The following TEAD1 variants were observed in gnomAD, a reference collection of about 807,000 sequenced individuals.
TEAD1 encodes transcriptional enhancer factor TEF-1.
A neutral mutation model predicts 54.9 loss-of-function variants in TEAD1; 9 were observed. The ratio of observed to expected loss-of-function variants is 0.16; its 90% confidence interval spans 0.10 to 0.29. The LOEUF (loss-of-function observed/expected upper bound fraction) is 0.29. Among genes scored for constraint, TEAD1 ranks in the 10% least tolerant of loss-of-function variants. The pLI is 1.00. For missense variants in TEAD1, 387 were observed against 535.9 expected (o/e 0.72, Z 2.74); for synonymous variants, 200 against 187.8 (o/e 1.07, Z -0.53).
At chr11:12,739,117 C>G (rs191952996) in intron 2 of TEAD1, among the ~76,000 whole-genome samples, 1 of 152,248 alleles carries the variant, frequency 6.6e-6, no homozygotes, top group Non-Finnish European at 1.5e-5. Context: ...TATGAGTGCT[C>G]CAGCACTGAG....
At chr11:12,840,175 A>T (rs915970932) in intron 3 of TEAD1, among the ~76,000 whole-genome samples, 1 of 145,870 alleles carries the variant, frequency 6.9e-6, no homozygotes, top group African/African-American at 2.6e-5. Context: ...TGAACCCGGG[A>T]GGCGGAGCTT....
At chr11:12,857,607 T>TGTGTGTGTGTGTGTGC (rs1947416875) in intron 3 of TEAD1, among the ~76,000 whole-genome samples, 1 of 151,848 alleles carries the variant, frequency 6.6e-6, no homozygotes, top group African/African-American at 2.4e-5. Context: ...TGTGTGTGTG[T>TGTGTGTGTGTGTGTGC]GTGTGTTAGA....
intron 5 of TEAD1, among the ~76,000 whole-genome samples, chr11:12,877,834 GC>G (rs1376361783): frequency 8.3e-6 from 1 of 120,842 alleles, no homozygotes; most frequent in Admixed American, 1.1e-4. Flanking sequence ...TTGCTCTACT[GC>G]CCAGGCTTGA....
Position 12,885,800 on chromosome 11 carries a change from T to G in TEAD1, c.699+2675T>G, listed in dbSNP as rs897254175. Among the ~76,000 whole-genome samples, 6 of 152,236 alleles carry G rather than the reference T, an allele frequency of 3.9e-5. No individual in the cohort carries two copies. The South Asian group carries it at 1.2e-3, about 31-fold the overall frequency. Reference sequence around the variant, plus strand: ...CCCAGAAGGCTCGATTGCCTCTTTTTGTTGTTAGTATTTGTTGGGCTAAAC... The same window carrying G: ...CCCAGAAGGCTCGATTGCCTCTTTTGGTTGTTAGTATTTGTTGGGCTAAAC... On this transcript the variant is annotated intron_variant, in intron 9 of 12. Coordinates refer to ENST00000527636, the MANE Select transcript of TEAD1 (RefSeq NM_021961.6).
rs537208225 is a variant in TEAD1 at position 12,683,028 on chromosome 11, T to C, written c.-55+7467T>C. Among the ~76,000 whole-genome samples the C allele has an allele frequency of 5.2e-4, 79 of 152,262 alleles. 1 individual carries two copies. Among genetic ancestry groups the C allele is most frequent in the Admixed American group, 3.3e-3 (50 of 15,312 alleles). The stretch of plus-strand genomic sequence containing the variant: ...GAGAGGAAAAAAATCCCAGAGTCAG[T>C]AGTGAGCATTCCTAAGAATACTCTT... On this transcript the variant is annotated intron_variant, in intron 2 of 12. Coordinates refer to ENST00000527636, the MANE Select transcript of TEAD1 (RefSeq NM_021961.6).
chr11:12,781,463 T>C (rs1192559698), intron 3 of TEAD1, among the ~76,000 whole-genome samples: 1 of 152,070 alleles, frequency 6.6e-6, no homozygotes. Context: ...AAAGGACTTT[T>C]GCCATTAATA....
At chr11:12,916,587 C>T (rs983253631) in intron 10 of TEAD1, among the ~76,000 whole-genome samples, 17 of 152,144 alleles carry the variant, frequency 1.1e-4, no homozygotes, top group African/African-American at 3.1e-4. Flanking sequence ...ATATTACCAC[C>T]GTGGCCTTTG....
chr11:12,902,488 G>A lies in TEAD1; in HGVS notation c.873+375G>A, dbSNP rs566506311. Reference sequence around the variant, plus strand: ...TACTTCATTTGTGCTTTAAAATGACGGGCAAAGTCCCCTGGCTGCTGCAGC... The same window carrying A: ...TACTTCATTTGTGCTTTAAAATGACAGGCAAAGTCCCCTGGCTGCTGCAGC... On this transcript the variant is annotated intron_variant, in intron 10 of 12. Coordinates refer to ENST00000527636, the MANE Select transcript of TEAD1 (RefSeq NM_021961.6). Among the ~76,000 whole-genome samples the A allele has an allele frequency of 1.3e-4, 20 of 152,230 alleles. No homozygotes were observed. The South Asian group carries it at 2.3e-3, about 17-fold the overall frequency.
intron 2 of TEAD1, among the ~76,000 whole-genome samples, chr11:12,709,974 A>G (rs1943900846): frequency 6.6e-6 from 1 of 151,670 alleles, no homozygotes; most frequent in Non-Finnish European, 1.5e-5. Context: ...TTTCTTATTT[A>G]CCTAAACAGT....
intron 2 of TEAD1, among the ~76,000 whole-genome samples, chr11:12,725,606 A>G (rs1475799933): frequency 1.7e-5 from 2 of 120,974 alleles, no homozygotes; most frequent in Non-Finnish European, 3.4e-5. Flanking sequence ...AGTATTACGT[A>G]TCAGTTAAAA....
intron 3 of TEAD1, among the ~76,000 whole-genome samples, chr11:12,852,097 G>T (rs1947286198): frequency 6.6e-6 from 1 of 152,150 alleles, no homozygotes; most frequent in Admixed American, 6.5e-5. Flanking sequence ...AGAAGAGAAA[G>T]AACATGTAAG....
intron 2 of TEAD1, among the ~76,000 whole-genome samples, chr11:12,717,265 T>C (rs777410096): frequency 6.6e-6 from 1 of 152,218 alleles, no homozygotes; most frequent in Non-Finnish European, 1.5e-5. Flanking sequence ...GTGCTTGGTA[T>C]TGTGTGTTTT....
At chr11:12,851,960 G>T (rs1182370258) in intron 3 of TEAD1, among the ~76,000 whole-genome samples, 3 of 152,194 alleles carry the variant, frequency 2.0e-5, no homozygotes, top group African/African-American at 7.2e-5. Context: ...TAGCAGGGGT[G>T]CATGCTCAGT....
intron 9 of TEAD1, among the ~76,000 whole-genome samples, chr11:12,894,132 T>C (rs1725685452): frequency 1.3e-5 from 2 of 152,262 alleles, no homozygotes; most frequent in Non-Finnish European, 2.9e-5. Flanking sequence ...TCTTGATTTC[T>C]TTAAATTCCT....
intron 2 of TEAD1, among the ~76,000 whole-genome samples, chr11:12,758,345 A>G (rs970547133): frequency 1.3e-5 from 2 of 149,830 alleles, no homozygotes; most frequent in Non-Finnish European, 3.0e-5. Flanking sequence ...GGTTTGAGTA[A>G]TCCTCCTGCC....
At chr11:12,770,983 A>G (rs1157720550) in intron 3 of TEAD1, among the ~76,000 whole-genome samples, 3 of 152,222 alleles carry the variant, frequency 2.0e-5, no homozygotes, top group South Asian at 2.1e-4. Context: ...GTGGAAAGCT[A>G]TGGACCCTTT....
At chr11:12,739,598 G>A (rs1452272807) in intron 2 of TEAD1, among the ~76,000 whole-genome samples, 1 of 152,066 alleles carries the variant, frequency 6.6e-6, no homozygotes, top group African/African-American at 2.4e-5. Flanking sequence ...TTCTTGTCAT[G>A]GGTGTCAGAA....
In TEAD1 at chr11:12,924,894, C is replaced by T. The variant is rs758455547; in HGVS notation, c.874-18C>T. Reference sequence around the variant, plus strand: ...TGGGATGAGAGAATAACCCACACCTCCATTTCCTTTCCAACAGGCTGATTT... The same window carrying T: ...TGGGATGAGAGAATAACCCACACCTTCATTTCCTTTCCAACAGGCTGATTT... On this transcript the variant is annotated intron_variant, in intron 10 of 12. Transcript: ENST00000527636. 1 of 1,614,162 alleles carries T rather than the reference C, an allele frequency of 6.2e-7. No individual in the cohort carries two copies. Among genetic ancestry groups the T allele is most frequent in the Non-Finnish European group, 8.5e-7 (1 of 1,180,012 alleles).
At chr11:12,787,072 C>G (rs1399151282) in intron 3 of TEAD1, among the ~76,000 whole-genome samples, 1 of 152,134 alleles carries the variant, frequency 6.6e-6, no homozygotes, top group Non-Finnish European at 1.5e-5. Flanking sequence ...AGGATATGGG[C>G]TTTCACTCTG....
Sources: allele counts gnomAD v4.1 joint callset (sites outside exome capture counted in the v4.1 genomes callset), GRCh38; gene constraint gnomAD v4.1.1; transcripts MANE v1.5; gene names NCBI Gene and HGNC (gene_info 2026-07-23, HGNC 2026-07-21).